The following LMO7 variants were observed in gnomAD, a reference collection of about 807,000 sequenced individuals.
LMO7 encodes LIM domain 7.
A neutral mutation model predicts 206.5 loss-of-function variants in LMO7; 120 were observed. The ratio of observed to expected loss-of-function variants is 0.58; its 90% CI spans 0.50 to 0.68. The LOEUF is 0.68. Ranked by LOEUF, LMO7 falls within the 30% of genes least tolerant of loss-of-function variation. The probability of loss-of-function intolerance (pLI) is 0.00; values close to 1 mark genes in which losing one functional copy is unlikely to be tolerated. For missense variants in LMO7, 1,959 were observed against 1,957.9 expected, an observed-to-expected ratio of 1.00 and a Z score of -0.01; for synonymous variants, 706 against 681.5, an observed-to-expected ratio of 1.04 and a Z score of -0.56.
At chr13:75,638,026 C>T (rs2036142531) in intron 1 of LMO7, among the ~76,000 whole-genome samples, 1 of 152,152 alleles carries the variant, frequency 6.6e-6, no homozygotes, top group Admixed American at 6.5e-5. Flanking sequence ...AAATAACTTC[C>T]CTCATTCATA....
At chr13:75,621,884 T>C (rs752240199) in intron 1 of LMO7, 1 of 1,556,044 alleles carries the variant, frequency 6.4e-7, no homozygotes, top group South Asian at 1.2e-5. Context: ...AATAGTTCCT[T>C]GAATACTTTT....
chr13:75,681,706 G>GTGTATATATATATATATATATA (rs1259746833), intron 1 of LMO7, among the ~76,000 whole-genome samples: 1 of 93,328 alleles, frequency 1.1e-5, no homozygotes, highest in Non-Finnish European at 2.2e-5. Context: ...GTATGTATGT[G>GTGTATATATATATATATATATA]TATATATATA....
chr13:75,623,353 C>T (rs778792263), intron 2 of LMO7: 1 of 1,159,362 alleles, frequency 8.6e-7, no homozygotes, highest in South Asian at 1.3e-5. Flanking sequence ...AAGGCAGAAT[C>T]AGAAAGGCCA....
chr13:75,775,848 A>G (rs898897807), intron 4 of LMO7, among the ~76,000 whole-genome samples: 2 of 151,816 alleles, frequency 1.3e-5, no homozygotes, highest in African/African-American at 4.8e-5. Flanking sequence ...GGGAATGCTG[A>G]CACGATGCTG....
At chr13:75,738,729 A>C (rs542182402) in intron 3 of LMO7, among the ~76,000 whole-genome samples, 1 of 152,318 alleles carries the variant, frequency 6.6e-6, no homozygotes, top group South Asian at 2.1e-4. Flanking sequence ...CCAATCTCAA[A>C]ACAAAACCTT....
intron 26 of LMO7, among the ~76,000 whole-genome samples, chr13:75,846,383 A>G (rs2059998814): frequency 6.6e-6 from 1 of 152,180 alleles, no homozygotes; most frequent in South Asian, 2.1e-4. Context: ...ATGGGTCCGT[A>G]ACTATAACCA....
chr13:75,826,242 A>G (rs1267585822), intron 15 of LMO7, among the ~76,000 whole-genome samples: 2 of 151,940 alleles, frequency 1.3e-5, no homozygotes, highest in East Asian at 3.9e-4. Flanking sequence ...GGCTTTTGCC[A>G]CATTACCCAT....
intron 15 of LMO7, among the ~76,000 whole-genome samples, chr13:75,824,435 G>A (rs1396684197): frequency 6.6e-6 from 1 of 152,080 alleles, no homozygotes; most frequent in African/African-American, 2.4e-5. Context: ...TTGAGGCTTG[G>A]TTATAATATG....
At chr13:75,691,707 C>A (rs987171881) in intron 1 of LMO7, among the ~76,000 whole-genome samples, 2 of 152,172 alleles carry the variant, frequency 1.3e-5, no homozygotes, top group Admixed American at 6.5e-5. Context: ...GGGGCTACTT[C>A]CAGACAATTA....
chr13:75,709,041 T>C (rs1233792597), intron 1 of LMO7, among the ~76,000 whole-genome samples: 2 of 151,708 alleles, frequency 1.3e-5, no homozygotes, highest in African/African-American at 2.4e-5. Context: ...AGTGAGAACA[T>C]GCGGTGTTTG....
intron 3 of LMO7, among the ~76,000 whole-genome samples, chr13:75,735,449 T>G (rs1274645265): frequency 6.6e-6 from 1 of 151,746 alleles, no homozygotes; most frequent in Non-Finnish European, 1.5e-5. Context: ...TGAAAAAAAT[T>G]TAGTTTTTGA....
At position 75,838,199 on chromosome 13, in the gene LMO7, A is replaced by T. The variant is rs2059283593; in HGVS notation, c.3451+3A>T. On this transcript the variant is annotated splice_donor_region_variant and intron_variant, in intron 20 of 30. Transcript: ENST00000377534. ...GCGATCACAATTTTTTGAACAAGGT[A>T]AACCACAAAGCTAACAATTCATGCA... 6.2e-7 allele frequency: 1 copy of T among 1,605,574 alleles called. No individual in the cohort carries two copies.
At chr13:75,635,096 GA>G (rs1238355335), upstream of LMO7, among the ~76,000 whole-genome samples, 4 of 152,060 alleles carry the variant, frequency 2.6e-5, no homozygotes, top group African/African-American at 9.7e-5. Context: ...CCCTCCAGCA[GA>G]AAAGGTGATA....
Position 75,857,582 on chromosome 13 carries a change from TTC to T in LMO7, c.4874-330_4874-329del, listed in dbSNP as rs147281276. On this transcript the variant is annotated intron_variant, in intron 30 of 30. Transcript: ENST00000377534. Reference sequence around the variant, plus strand: ...GGGGTGTGTGTATGTGTGTGTGTTTTTCTCTCTCTCATCAAATTCCAAAGCCA... The same window carrying T: ...GGGGTGTGTGTATGTGTGTGTGTTTTTCTCTCTCATCAAATTCCAAAGCCA... 4.7e-4 allele frequency: 84 copies of T among 180,150 alleles called. 2 individuals are homozygous for T. In the East Asian group the frequency reaches 6.9e-3, roughly 15 times the overall value. The allele number at this position is 180,150 out of a possible 1,614,324, so 11.2% of individuals were successfully genotyped here. A position where few individuals can be genotyped will look rare whatever the true frequency, so the allele number is the denominator to read the frequency against.
chr13:75,795,453 G>A, intron 5 of LMO7, 22 bp downstream of exon 5: 1 of 1,556,408 alleles, frequency 6.4e-7, no homozygotes, highest in Non-Finnish European at 8.8e-7. Context: ...TTACCTTAAT[G>A]GAGCATTATA....
chr13:75,764,513 C>A (rs182388417), intron 4 of LMO7, among the ~76,000 whole-genome samples: 1 of 152,102 alleles, frequency 6.6e-6, no homozygotes, highest in African/African-American at 2.4e-5. Flanking sequence ...AGGAGAGGTA[C>A]AGATCAATGG....
intron 1 of LMO7, among the ~76,000 whole-genome samples, chr13:75,664,413 T>TA (rs2038915197): frequency 6.6e-6 from 1 of 152,212 alleles, no homozygotes; most frequent in Non-Finnish European, 1.5e-5. Flanking sequence ...CAATTTTTTT[T>TA]ATCTGTTCAT....
chr13:75,773,373 A>G (rs899599722), intron 4 of LMO7, among the ~76,000 whole-genome samples: 12 of 152,242 alleles, frequency 7.9e-5, no homozygotes, highest in Middle Eastern at 3.4e-3. Flanking sequence ...ATCACCAAAA[A>G]CTTTTGAGCA....
In LMO7 at chr13:75,841,702, C is replaced by G. The variant is rs111489505; in HGVS notation, c.3750C>G (p.Thr1250=). The G allele has an allele frequency of 2.1e-4, 332 of 1,614,060 alleles. 1 individual carries two copies. In the African/African-American group the frequency reaches 4.1e-3, roughly 20 times the overall value. Residue 1250 remains threonine (T), a synonymous_variant, in exon 24 of 31, where the codon ACC becomes ACG. Coordinates refer to ENST00000377534, the MANE Select transcript of LMO7 (RefSeq NM_001306080.2). ...CCTCTCTTGCCACCTGGGAAGCTAC[C>G]TGGAGTGAAGGGTCCAAGTCTTCAG... ...REPSLATWEA[T]WSEGSKSSDR...
Sources: allele counts gnomAD v4.1 joint callset (sites outside exome capture counted in the v4.1 genomes callset), GRCh38; gene constraint gnomAD v4.1.1; transcripts MANE v1.5; gene names NCBI Gene and HGNC (gene_info 2026-07-23, HGNC 2026-07-21).